Variants in PLCB4 observed in about 807,000 individuals in gnomAD.
PLCB4 encodes the protein phospholipase C beta 4.
Under a neutral mutation model 178.8 loss-of-function variants are expected in PLCB4, and 77 were observed. The observed-to-expected ratio is 0.43, with a 90% CI of 0.36 to 0.52. PLCB4 has a LOEUF of 0.52. PLCB4 is among the 20% of genes least tolerant of loss of function. PLCB4 has a pLI of 0.00. For synonymous variants in PLCB4, 496 were observed against 490.8 expected, an observed-to-expected ratio of 1.01 and a Z score of -0.14; for missense variants, 1,024 against 1,453.4, an observed-to-expected ratio of 0.70 and a Z score of 4.80.
At chr20:9,246,514 C>G (rs1490251270) in intron 3 of PLCB4, among the ~76,000 whole-genome samples, 2 of 152,102 alleles carry the variant, frequency 1.3e-5, no homozygotes, top group Non-Finnish European at 2.9e-5. Flanking sequence ...TAATCCAACA[C>G]TTAATACTCC....
At chr20:9,336,874 T>C (rs562578787) in intron 4 of PLCB4, among the ~76,000 whole-genome samples, 2 of 152,344 alleles carry the variant, frequency 1.3e-5, no homozygotes, top group South Asian at 2.1e-4. Context: ...ATGACTTTCA[T>C]GCTTTCAGTC....
At chr20:9,327,574 A>C (rs2030872189) in intron 4 of PLCB4, among the ~76,000 whole-genome samples, 1 of 152,132 alleles carries the variant, frequency 6.6e-6, no homozygotes, top group Admixed American at 6.5e-5. Flanking sequence ...CAGGAGATTG[A>C]GACCATCCTG....
chr20:9,071,485 T>C (rs2089570544), intron 1 of PLCB4, among the ~76,000 whole-genome samples: 1 of 152,186 alleles, frequency 6.6e-6, no homozygotes, highest in Admixed American at 6.5e-5. Context: ...CTGTTTTCCT[T>C]GTGATCACAT....
intron 7 of PLCB4, among the ~76,000 whole-genome samples, chr20:9,341,552 G>A (rs35808054): frequency 1.1e-4 from 17 of 151,978 alleles, no homozygotes; most frequent in Non-Finnish European, 2.1e-4. Flanking sequence ...TCATCCTCAC[G>A]TTGAGTAAGC....
At chr20:9,128,089 A>T (rs1022505923) in intron 2 of PLCB4, among the ~76,000 whole-genome samples, 1 of 152,082 alleles carries the variant, frequency 6.6e-6, no homozygotes, top group Non-Finnish European at 1.5e-5. Context: ...AGATGTTTGG[A>T]TCATGGGCAC....
chr20:9,145,582 G>A (rs1313982689), intron 2 of PLCB4, among the ~76,000 whole-genome samples: 2 of 151,884 alleles, frequency 1.3e-5, no homozygotes, highest in African/African-American at 2.4e-5. Context: ...GGTTGGGCAG[G>A]GGAGAGGATA....
intron 3 of PLCB4, among the ~76,000 whole-genome samples, chr20:9,245,337 G>T (rs963692419): frequency 6.6e-5 from 10 of 152,022 alleles, no homozygotes; most frequent in African/African-American, 2.2e-4. Flanking sequence ...GGTGTTTGGG[G>T]GTAGGCCAAA....
Position 9,373,092 on chromosome 20 carries a change from C to T in PLCB4, c.732C>T (p.Ser244=). 1 of 1,521,184 alleles carries T rather than the reference C, an allele frequency of 6.6e-7. No individual in the cohort carries two copies. The highest frequency in any genetic ancestry group is 9.1e-7 in the Non-Finnish European group (1 of 1,097,662). 94.2% of individuals were successfully genotyped at this position (1,521,184 alleles called of 1,614,324 possible). A position where few individuals can be genotyped will look rare whatever the true frequency, so the allele number is the denominator to read the frequency against. ...TDYLTVDQLV[S]FLNEHQRDPR... is the part of the protein sequence containing the mutation. The stretch of plus-strand genomic sequence containing the variant: ...ATTTAACGGTAGACCAATTAGTGAG[C>T]TTTCTAAATGAAGTAAGCTTTTTCA... The change falls in exon 12 of 40, where the codon AGC becomes AGT. Residue 244 remains serine, a synonymous_variant. Transcript: ENST00000378473.
intron 14 of PLCB4, among the ~76,000 whole-genome samples, chr20:9,384,644 T>C (rs1306075405): frequency 6.6e-6 from 1 of 152,152 alleles, no homozygotes; most frequent in Admixed American, 6.5e-5. Flanking sequence ...TACTGTAAAT[T>C]TAAAATATGC....
intron 3 of PLCB4, among the ~76,000 whole-genome samples, chr20:9,232,674 G>A (rs1030369685): frequency 1.3e-5 from 2 of 152,054 alleles, no homozygotes; most frequent in African/African-American, 4.8e-5. Context: ...GCAGTGCAAA[G>A]GACTAAAGAT....
At chr20:9,192,668 A>C (rs1225005689) in intron 2 of PLCB4, among the ~76,000 whole-genome samples, 3 of 151,662 alleles carry the variant, frequency 2.0e-5, no homozygotes, top group Non-Finnish European at 4.4e-5. Flanking sequence ...CAAAAAAATT[A>C]GCTGGGCATG....
intron 3 of PLCB4, among the ~76,000 whole-genome samples, chr20:9,226,555 T>C (rs1184480702): frequency 6.6e-6 from 1 of 152,182 alleles, no homozygotes; most frequent in Non-Finnish European, 1.5e-5. Flanking sequence ...ACCTTTTTCA[T>C]TGGTTTTGGA....
Position 9,080,721 on chromosome 20 carries a change from A to G in PLCB4, c.-135+11515A>G, listed in dbSNP as rs1267800625. On this transcript the variant is annotated intron_variant, in intron 1 of 39. Coordinates refer to ENST00000378473, the MANE Select transcript of PLCB4 (RefSeq NM_001377142.1). ...TAACTCATTCACTTCTACCATTTTTATAACCCCCAATTTACTGAAGACTCC... is the reference window on the plus strand; with the variant it reads ...TAACTCATTCACTTCTACCATTTTTGTAACCCCCAATTTACTGAAGACTCC... Among the ~76,000 whole-genome samples the G allele has an allele frequency of 2.6e-5, 4 of 152,296 alleles. No individual in the cohort carries two copies. The East Asian group carries it at 5.8e-4, about 22-fold the overall frequency.
chr20:9,324,743 C>T (rs1446961751), intron 4 of PLCB4, among the ~76,000 whole-genome samples: 1 of 152,054 alleles, frequency 6.6e-6, no homozygotes, highest in East Asian at 1.9e-4. Flanking sequence ...TAAAAAGTGA[C>T]AGAGCCAGCA....
chr20:9,284,165 A>G (rs924688740), intron 3 of PLCB4, among the ~76,000 whole-genome samples: 2 of 152,016 alleles, frequency 1.3e-5, no homozygotes, highest in African/African-American at 4.8e-5. Flanking sequence ...AACAAGAAAG[A>G]GAGATCCTGG....
In PLCB4 at chr20:9,478,782, C is replaced by G. The variant is rs190453782; in HGVS notation, c.3533-139C>G. The G allele has an allele frequency of 2.0e-5, 13 of 658,762 alleles. No homozygotes were observed. The Admixed American group carries it at 3.2e-4, about 16-fold the overall frequency. The allele number at this position is 658,762 out of a possible 1,614,324, so 40.8% of individuals were successfully genotyped here. A position where few individuals can be genotyped will look rare whatever the true frequency, so the allele number is the denominator to read the frequency against. ...AAGAAGGTCCCAGGCAATGCTGATGCTGCTTGTACATGGACCATATTTTGA... is the reference window on the plus strand; with the variant it reads ...AAGAAGGTCCCAGGCAATGCTGATGGTGCTTGTACATGGACCATATTTTGA... On this transcript the variant is annotated intron_variant, in intron 39 of 39. Coordinates refer to ENST00000378473, the MANE Select transcript of PLCB4 (RefSeq NM_001377142.1).
At chr20:9,395,435 C>A in intron 18 of PLCB4, 88 bp from the exon 19 acceptor site, 1 of 836,346 alleles carries the variant, frequency 1.2e-6, no homozygotes, top group Non-Finnish European at 2.1e-6. Context: ...TCTCTCTTTT[C>A]ACGTCCTCCT....
chr20:9,209,442 A>T (rs915376107), intron 2 of PLCB4, among the ~76,000 whole-genome samples: 2 of 151,446 alleles, frequency 1.3e-5, no homozygotes, highest in African/African-American at 4.9e-5. Flanking sequence ...CTATGACGGG[A>T]TGTCACTCCT....
At chr20:9,140,963 A>G (rs939628595) in intron 2 of PLCB4, among the ~76,000 whole-genome samples, 4 of 152,082 alleles carry the variant, frequency 2.6e-5, no homozygotes, top group African/African-American at 7.2e-5. Context: ...CGTTTCAGGG[A>G]ATATAAGGAC....
Sources: allele counts gnomAD v4.1 joint callset (sites outside exome capture counted in the v4.1 genomes callset), GRCh38; gene constraint gnomAD v4.1.1; transcripts MANE v1.5; gene names NCBI Gene and HGNC (gene_info 2026-07-23, HGNC 2026-07-21).